Variants in NELL2 observed in about 807,000 individuals in gnomAD.
NELL2 encodes the protein protein kinase C-binding protein NELL2.
A neutral mutation model predicts 109.6 loss-of-function variants in NELL2; 41 were observed. The ratio of observed to expected loss-of-function variants is 0.37; its 90% CI spans 0.29 to 0.49. NELL2 has a LOEUF of 0.49. NELL2 is among the 20% of genes least tolerant of loss of function. The pLI, the probability that NELL2 is intolerant of heterozygous loss-of-function variation, is 0.98. For synonymous variants in NELL2, 355 were observed against 344.7 expected (o/e 1.03, Z -0.33); for missense variants, 900 against 1,008.3 (o/e 0.89, Z 1.45).
intron 19 of NELL2, among the ~76,000 whole-genome samples, chr12:44,517,408 TCTCTCTCTCTCTC>T: frequency 6.8e-6 from 1 of 148,110 alleles, no homozygotes; most frequent in African/African-American, 2.6e-5. Flanking sequence ...TCTCTCTCTC[TCTCTCTCTCTCTC>T]GTTCCCACTC....
intron 1 of NELL2, among the ~76,000 whole-genome samples, chr12:44,908,503 TG>T: frequency 6.6e-6 from 1 of 152,100 alleles, no homozygotes; most frequent in Admixed American, 6.6e-5. Context: ...TGGTATTGAA[TG>T]AACATAGGGA....
chr12:44,607,639 G>A (rs551030706), intron 14 of NELL2, among the ~76,000 whole-genome samples: 9 of 151,940 alleles, frequency 5.9e-5, no homozygotes, highest in South Asian at 2.1e-4. Flanking sequence ...TCTAAAGAAC[G>A]AGACCATGAA....
chr12:44,568,713 T>C (rs888765047), intron 15 of NELL2, among the ~76,000 whole-genome samples: 2 of 152,010 alleles, frequency 1.3e-5, no homozygotes, highest in African/African-American at 2.4e-5. Context: ...TTCTGAAATA[T>C]AGTATGTATA....
chr12:44,875,362 G>C lies in NELL2; in HGVS notation c.56-9C>G. The C allele has an allele frequency of 1.2e-6, 2 of 1,614,088 alleles. No homozygotes were observed. Among genetic ancestry groups the C allele is most frequent in the Non-Finnish European group, 1.7e-6 (2 of 1,180,038 alleles). ...CACACCAAGCCCCCAAACTGGTGAG[G>C]GGTATGAGGTGGGAGAGAGAAAAAG... On this transcript the variant is annotated splice_polypyrimidine_tract_variant and intron_variant, in intron 1 of 19. Coordinates refer to ENST00000429094, the MANE Select transcript of NELL2 (RefSeq NM_001145108.2).
At chr12:44,599,731 T>TTTTATTTA (rs1368488466) in intron 15 of NELL2, among the ~76,000 whole-genome samples, 1 of 151,728 alleles carries the variant, frequency 6.6e-6, no homozygotes, top group Non-Finnish European at 1.5e-5. Flanking sequence ...TCTAAAGGAG[T>TTTTATTTA]CCCTAGCAAG....
chr12:44,876,983 G>A, upstream of NELL2: 1 of 901,004 alleles, frequency 1.1e-6, no homozygotes, highest in Non-Finnish European at 1.4e-6. Flanking sequence ...AGAGAACTTG[G>A]CCAGGAGGTG....
At chr12:44,607,484 A>G (rs1203955790) in intron 14 of NELL2, among the ~76,000 whole-genome samples, 1 of 152,146 alleles carries the variant, frequency 6.6e-6, no homozygotes, top group African/African-American at 2.4e-5. Flanking sequence ...CACCCTTAAA[A>G]CAAAATACTG....
At chr12:44,521,557 T>G (rs11831921) in intron 18 of NELL2, among the ~76,000 whole-genome samples, 41,739 of 147,850 alleles carry the variant, frequency 0.28, 9,823 homozygotes, top group African/African-American at 0.65. Context: ...GTTGCGGTGG[T>G]GGGGGAGGCG....
chr12:44,542,109 T>C (rs967309383), intron 15 of NELL2, among the ~76,000 whole-genome samples: 2 of 152,164 alleles, frequency 1.3e-5, no homozygotes, highest in Non-Finnish European at 2.9e-5. Flanking sequence ...TTATGTTCCA[T>C]GCATTATTTA....
intron 13 of NELL2, among the ~76,000 whole-genome samples, chr12:44,664,598 T>C (rs975139391): frequency 6.6e-6 from 1 of 152,138 alleles, no homozygotes; most frequent in Non-Finnish European, 1.5e-5. Flanking sequence ...CCTGAAAACA[T>C]CTAGGTTTTG....
rs1409119624 is a variant in NELL2 at position 44,610,986 on chromosome 12, C to T, written c.1445-16G>A. ...TCATCATGTTCTGAAATGAGGAATACAATTTTGTTACTCAAAGTTATATTT... is the reference window on the plus strand; with the variant it reads ...TCATCATGTTCTGAAATGAGGAATATAATTTTGTTACTCAAAGTTATATTT... On this transcript the variant is annotated splice_polypyrimidine_tract_variant and intron_variant, in intron 13 of 19. Coordinates refer to ENST00000429094, the MANE Select transcript of NELL2 (RefSeq NM_001145108.2). 1 of 1,609,570 alleles carries T rather than the reference C, an allele frequency of 6.2e-7. No homozygotes were observed. The highest frequency in any genetic ancestry group is 1.1e-5 in the South Asian group (1 of 90,974).
intron 1 of NELL2, among the ~76,000 whole-genome samples, chr12:44,920,550 G>A (rs1470831881): frequency 6.6e-6 from 1 of 152,096 alleles, no homozygotes; most frequent in Non-Finnish European, 1.5e-5. Context: ...AATGTTTAAT[G>A]AGCTACAAGG....
intron 13 of NELL2, 82 bp downstream of exon 13, chr12:44,665,402 C>CA (rs1262172817): frequency 5.6e-6 from 7 of 1,242,652 alleles, no homozygotes; most frequent in Non-Finnish European, 6.6e-6. Flanking sequence ...GTATACTTAT[C>CA]AAAAAAATGA....
chr12:44,575,817 C>T (rs977631554), intron 15 of NELL2, among the ~76,000 whole-genome samples: 7 of 152,204 alleles, frequency 4.6e-5, no homozygotes, highest in African/African-American at 1.7e-4. Context: ...TGATGCTCTT[C>T]CAATATCTTC....
At chr12:44,618,063 C>T (rs1945906687) in intron 13 of NELL2, among the ~76,000 whole-genome samples, 2 of 152,228 alleles carry the variant, frequency 1.3e-5, no homozygotes, top group South Asian at 2.1e-4. Flanking sequence ...ACCTTATTTA[C>T]TCACTTTATA....
At chr12:44,877,249 C>A (rs1228245269), upstream of NELL2, among the ~76,000 whole-genome samples, 1 of 152,206 alleles carries the variant, frequency 6.6e-6, no homozygotes, top group Non-Finnish European at 1.5e-5. Flanking sequence ...TGACCACACT[C>A]ATGCAGGCTC....
rs184244974 is a variant in NELL2 at position 44,651,509 on chromosome 12, T to C, written c.1444+13975A>G. Among the ~76,000 whole-genome samples, 187 of 152,306 alleles carry C rather than the reference T, an allele frequency of 1.2e-3. 2 individuals carry two copies. Among genetic ancestry groups the C allele is most frequent in the Non-Finnish European group, 6.6e-4 (45 of 68,026 alleles). ...GATATATATATTCTCTCTGTGACTA[T>C]ACTATTTAAGGTTATTATAATTTAA... On this transcript the variant is annotated intron_variant, in intron 13 of 19. Coordinates refer to ENST00000429094, the MANE Select transcript of NELL2 (RefSeq NM_001145108.2).
chr12:44,718,977 G>C (rs565447758), intron 9 of NELL2, among the ~76,000 whole-genome samples: 1 of 152,210 alleles, frequency 6.6e-6, no homozygotes, highest in South Asian at 2.1e-4. Flanking sequence ...ACAACTTGGA[G>C]AAATTCAATA....
chr12:44,876,714 A>G (rs1345608130), upstream of NELL2: 1 of 1,547,962 alleles, frequency 6.5e-7, no homozygotes, highest in East Asian at 2.4e-5. Context: ...TAAGCAAAGG[A>G]GGGAAGCCCA....
Sources: allele counts gnomAD v4.1 joint callset (sites outside exome capture counted in the v4.1 genomes callset), GRCh38; gene constraint gnomAD v4.1.1; transcripts MANE v1.5; gene names NCBI Gene and HGNC (gene_info 2026-07-23, HGNC 2026-07-21).